Variants in AKAP19 observed in about 807,000 individuals in gnomAD.
AKAP19 encodes the protein A-kinase anchoring protein 19.
the AKAP19 span, among the ~76,000 whole-genome samples, chr2:189,998,863 C>T: frequency 3.4e-5 from 5 of 145,248 alleles, no homozygotes; most frequent in Non-Finnish European, 7.5e-5. Context: ...ACCTCCACCT[C>T]CCAAGTTCAA....
At chr2:190,041,068 C>T in the AKAP19 span, among the ~76,000 whole-genome samples, 3 of 152,110 alleles carry the variant, frequency 2.0e-5, 1 homozygote, top group South Asian at 4.2e-4. Context: ...GAATGTCATT[C>T]GTAGTTCGAT....
the AKAP19 span, among the ~76,000 whole-genome samples, chr2:189,963,596 G>T: frequency 6.6e-6 from 1 of 152,134 alleles, no homozygotes; most frequent in African/African-American, 2.4e-5. Flanking sequence ...AGTCAGCCAT[G>T]AGGGTTGGAA....
the AKAP19 span, among the ~76,000 whole-genome samples, chr2:190,169,113 G>T: frequency 6.6e-6 from 1 of 152,152 alleles, no homozygotes; most frequent in Non-Finnish European, 1.5e-5. Context: ...GACTGGGAAG[G>T]CCTCACAATG....
the AKAP19 span, among the ~76,000 whole-genome samples, chr2:190,119,333 T>C: frequency 3.3e-5 from 5 of 152,336 alleles, no homozygotes; most frequent in Non-Finnish European, 5.9e-5. Context: ...CAGCCAGTTA[T>C]AGGCGATGGC....
At chr2:189,960,181 G>A in the AKAP19 span, among the ~76,000 whole-genome samples, 3 of 152,142 alleles carry the variant, frequency 2.0e-5, no homozygotes. Flanking sequence ...CTGTTAGGTT[G>A]TTAGCTCAAG....
At chr2:190,182,975 T>C in the AKAP19 span, among the ~76,000 whole-genome samples, 2 of 152,262 alleles carry the variant, frequency 1.3e-5, no homozygotes, top group African/African-American at 4.8e-5. Context: ...ATCATGTTAA[T>C]TCTACTTTTC....
At chr2:189,992,384 G>T in the AKAP19 span, among the ~76,000 whole-genome samples, 1 of 152,006 alleles carries the variant, frequency 6.6e-6, no homozygotes, top group African/African-American at 2.4e-5. Context: ...TAAAAATAAC[G>T]TGTATGTAGT....
At chr2:189,917,317 G>A in the AKAP19 span, 7 of 1,416,060 alleles carry the variant, frequency 4.9e-6, no homozygotes, top group East Asian at 1.6e-4. Flanking sequence ...CTTTTAACAT[G>A]ACACTTGTCC....
the AKAP19 span, among the ~76,000 whole-genome samples, chr2:190,095,357 A>G: frequency 2.0e-5 from 3 of 152,206 alleles, no homozygotes; most frequent in African/African-American, 7.2e-5. Flanking sequence ...CAAAATTCAG[A>G]TGCCAAAATC....
chr2:190,010,008 G>T, the AKAP19 span, among the ~76,000 whole-genome samples: 1 of 152,352 alleles, frequency 6.6e-6, no homozygotes, highest in Admixed American at 6.5e-5. Context: ...AGGATAGCTG[G>T]TGCAGGAAGT....
the AKAP19 span, among the ~76,000 whole-genome samples, chr2:190,164,242 A>G: frequency 1.3e-5 from 2 of 152,262 alleles, no homozygotes; most frequent in African/African-American, 4.8e-5. Context: ...TATGCCTGTT[A>G]AAGGCAAATC....
At chr2:190,175,074 A>G in the AKAP19 span, among the ~76,000 whole-genome samples, 1 of 121,600 alleles carries the variant, frequency 8.2e-6, no homozygotes, top group African/African-American at 3.2e-5. Flanking sequence ...TAGAATAAAT[A>G]TAGGTAACCA....
the AKAP19 span, among the ~76,000 whole-genome samples, chr2:189,920,773 C>A: frequency 6.6e-6 from 1 of 152,144 alleles, no homozygotes; most frequent in Admixed American, 6.6e-5. Context: ...AGAATAATGA[C>A]CTGGCCAAGT....
At chr2:189,945,682 A>G in the AKAP19 span, among the ~76,000 whole-genome samples, 1 of 152,228 alleles carries the variant, frequency 6.6e-6, no homozygotes, top group African/African-American at 2.4e-5. Context: ...ATTACATTGT[A>G]AATTATAGAT....
the AKAP19 span, among the ~76,000 whole-genome samples, chr2:190,091,646 A>C: frequency 6.6e-6 from 1 of 152,110 alleles, no homozygotes; most frequent in African/African-American, 2.4e-5. Flanking sequence ...GATTGTGTAA[A>C]TTATGTCTTA....
At chr2:190,066,604 A>C in the AKAP19 span, among the ~76,000 whole-genome samples, 3 of 152,196 alleles carry the variant, frequency 2.0e-5, no homozygotes, top group Admixed American at 6.5e-5. Context: ...CATCATGAGA[A>C]GATAATCATC....
At chr2:190,062,251 C>T in the AKAP19 span, 2 of 1,613,036 alleles carry the variant, frequency 1.2e-6, no homozygotes, top group Non-Finnish European at 1.7e-6. Context: ...ATGATTGTTT[C>T]CGTTGTAGCG....
the AKAP19 span, among the ~76,000 whole-genome samples, chr2:190,098,396 T>C: frequency 6.6e-6 from 1 of 152,148 alleles, no homozygotes; most frequent in Non-Finnish European, 1.5e-5. Flanking sequence ...CGAAGAGCAA[T>C]GCACCAATGG....
the AKAP19 span, among the ~76,000 whole-genome samples, chr2:189,909,715 T>G: frequency 6.6e-6 from 1 of 152,094 alleles, no homozygotes; most frequent in African/African-American, 2.4e-5. Flanking sequence ...TTATTGTAAT[T>G]ATAGTTACTT....
Sources: allele counts gnomAD v4.1 joint callset (sites outside exome capture counted in the v4.1 genomes callset), GRCh38; gene constraint gnomAD v4.1.1; transcripts MANE v1.5; gene names NCBI Gene and HGNC (gene_info 2026-07-23, HGNC 2026-07-21).